CNTNAP2: variants seen among roughly 807,000 people sequenced by gnomAD.
The protein encoded by CNTNAP2 is contactin-associated protein-like 2.
In CNTNAP2, 98 loss-of-function variants were observed where a neutral mutation model predicts 155.2. The observed-to-expected ratio is 0.63, with a 90% CI of 0.54 to 0.75. The LOEUF (loss-of-function observed/expected upper bound fraction) is 0.75, where lower values mean the gene tolerates loss of function less well. Among genes scored for constraint, CNTNAP2 ranks in the 30% least tolerant of loss-of-function variants. The pLI, the probability that CNTNAP2 is intolerant of heterozygous loss-of-function variation, is 0.00. For synonymous variants in CNTNAP2, 651 were observed against 631.2 expected (o/e 1.03, Z -0.47); for missense variants, 1,727 against 1,688.1 (o/e 1.02, Z -0.40).
chr7:148,061,071 A>G (rs1404397970), intron 15 of CNTNAP2, among the ~76,000 whole-genome samples: 1 of 152,246 alleles, frequency 6.6e-6, no homozygotes, highest in Non-Finnish European at 1.5e-5. Context: ...AAATAAAAGA[A>G]ACCCAGAAGA....
At chr7:147,758,462 C>T (rs1280246110) in intron 13 of CNTNAP2, among the ~76,000 whole-genome samples, 1 of 152,142 alleles carries the variant, frequency 6.6e-6, no homozygotes, top group African/African-American at 2.4e-5. Flanking sequence ...AGCCAAATAT[C>T]CTGGCCAAAG....
At chr7:148,279,739 A>G (rs1390329148) in intron 21 of CNTNAP2, among the ~76,000 whole-genome samples, 1 of 152,236 alleles carries the variant, frequency 6.6e-6, no homozygotes, top group Non-Finnish European at 1.5e-5. Context: ...GATAAATGTC[A>G]GAATATATCT....
At chr7:146,171,194 C>T (rs1158401872) in intron 1 of CNTNAP2, among the ~76,000 whole-genome samples, 1 of 152,050 alleles carries the variant, frequency 6.6e-6, no homozygotes, top group East Asian at 1.9e-4. Flanking sequence ...AATGGACAAT[C>T]ACCAATCCTT....
Position 147,322,807 on chromosome 7 carries a change from G to A in CNTNAP2, c.1498+22517G>A, listed in dbSNP as rs547167644. ...CTTCTTCCTGGATTAGTCTTGGGAG[G>A]GTGTATGTGTCCAGGAATGTATCCA... is the stretch of plus-strand genomic sequence containing the variant. On this transcript the variant is annotated intron_variant, in intron 9 of 23. Transcript: ENST00000361727. Among the ~76,000 whole-genome samples the A allele has an allele frequency of 2.9e-5, 4 of 140,122 alleles. No individual in the cohort carries two copies. The South Asian group carries it at 7.3e-4, about 26-fold the overall frequency. The allele number at this position is 140,122 out of a possible 152,430, so 91.9% of individuals were successfully genotyped here. A position where few individuals can be genotyped will look rare whatever the true frequency, so the allele number is the denominator to read the frequency against.
At chr7:146,999,436 C>T (rs763268020) in intron 3 of CNTNAP2, among the ~76,000 whole-genome samples, 3 of 151,874 alleles carry the variant, frequency 2.0e-5, no homozygotes, top group Non-Finnish European at 4.4e-5. Context: ...GGTTGCTACA[C>T]CATCATAGAG....
intron 1 of CNTNAP2, among the ~76,000 whole-genome samples, chr7:146,290,270 C>A (rs751519280): frequency 6.6e-6 from 1 of 152,070 alleles, no homozygotes; most frequent in African/African-American, 2.4e-5. Flanking sequence ...TGACAATGAA[C>A]CTTAGATGTC....
intron 10 of CNTNAP2, among the ~76,000 whole-genome samples, chr7:147,411,345 A>G (rs13231991): frequency 0.17 from 26,546 of 152,180 alleles, 2,937 homozygotes; most frequent in Non-Finnish European, 0.25. Flanking sequence ...CTAGTAAAGT[A>G]TCTGTCAGTT....
intron 1 of CNTNAP2, among the ~76,000 whole-genome samples, chr7:146,444,544 G>A (rs1172882859): frequency 6.6e-6 from 1 of 152,094 alleles, no homozygotes; most frequent in African/African-American, 2.4e-5. Flanking sequence ...AATGAAGGTC[G>A]CTGTTCACCT....
intron 14 of CNTNAP2, among the ~76,000 whole-genome samples, chr7:147,920,950 C>T (rs1439538208): frequency 4.0e-5 from 6 of 151,732 alleles, no homozygotes; most frequent in African/African-American, 1.5e-4. Context: ...GCTGGGACTA[C>T]AGGCACCCGC....
At chr7:146,874,124 A>G (rs1204351558) in intron 3 of CNTNAP2, among the ~76,000 whole-genome samples, 1 of 152,058 alleles carries the variant, frequency 6.6e-6, no homozygotes, top group African/African-American at 2.4e-5. Context: ...CTCAGGAAGA[A>G]GGAAATATCA....
At chr7:146,535,702 G>C (rs903792798) in intron 1 of CNTNAP2, among the ~76,000 whole-genome samples, 12 of 151,478 alleles carry the variant, frequency 7.9e-5, no homozygotes, top group African/African-American at 2.9e-4. Context: ...GGGTACAATT[G>C]AACCTTTCAT....
At chr7:148,317,002 G>A (rs6948829) in intron 21 of CNTNAP2, among the ~76,000 whole-genome samples, 19,477 of 152,176 alleles carry the variant, frequency 0.13, 1,801 homozygotes, top group African/African-American at 0.26. Context: ...GGTCCCAAAT[G>A]TATTTGCATA....
intron 11 of CNTNAP2, among the ~76,000 whole-genome samples, chr7:147,525,790 T>G (rs1042816987): frequency 2.0e-5 from 3 of 152,202 alleles, no homozygotes; most frequent in Non-Finnish European, 2.9e-5. Flanking sequence ...ATATTATGAC[T>G]CTTTCATATT....
At chr7:148,035,340 C>T (rs182579895) in intron 15 of CNTNAP2, among the ~76,000 whole-genome samples, 1 of 152,206 alleles carries the variant, frequency 6.6e-6, no homozygotes, top group East Asian at 1.9e-4. Context: ...CATCACAAGC[C>T]CAGAGCTCTA....
intron 14 of CNTNAP2, among the ~76,000 whole-genome samples, chr7:147,931,292 CAAAT>C (rs1485447230): frequency 2.0e-5 from 3 of 149,500 alleles, no homozygotes. Context: ...GAAAAAAACT[CAAAT>C]AAATAAAATA....
intron 3 of CNTNAP2, among the ~76,000 whole-genome samples, chr7:146,991,036 C>T (rs1329023511): frequency 6.6e-6 from 1 of 151,938 alleles, no homozygotes; most frequent in Non-Finnish European, 1.5e-5. Context: ...TTTCCAGTGC[C>T]TACTGGTTTC....
At chr7:147,378,405 A>G (rs1415538087) in intron 9 of CNTNAP2, among the ~76,000 whole-genome samples, 1 of 152,060 alleles carries the variant, frequency 6.6e-6, no homozygotes, top group South Asian at 2.1e-4. Context: ...CGTATACACA[A>G]CAGAGTACTA....
At chr7:147,473,463 G>C (rs901839787) in intron 10 of CNTNAP2, among the ~76,000 whole-genome samples, 5 of 151,956 alleles carry the variant, frequency 3.3e-5, no homozygotes, top group Non-Finnish European at 7.4e-5. Flanking sequence ...AGTTTCCTCT[G>C]TTCTGGTTGT....
At chr7:146,796,695 C>A (rs1041296928) in intron 2 of CNTNAP2, among the ~76,000 whole-genome samples, 2 of 152,022 alleles carry the variant, frequency 1.3e-5, no homozygotes, top group Non-Finnish European at 2.9e-5. Context: ...CTCAGTAGAA[C>A]CTCATTGATT....
Sources: allele counts gnomAD v4.1 joint callset (sites outside exome capture counted in the v4.1 genomes callset), GRCh38; gene constraint gnomAD v4.1.1; transcripts MANE v1.5; gene names NCBI Gene and HGNC (gene_info 2026-07-23, HGNC 2026-07-21).